MYO3B: variants seen among roughly 807,000 people sequenced by gnomAD.
MYO3B encodes the protein myosin IIIB.
Under a neutral mutation model 174.6 loss-of-function variants are expected in MYO3B, and 156 were observed. The observed-to-expected ratio is 0.89, with a 90% confidence interval of 0.78 to 1.02. The LOEUF (loss-of-function observed/expected upper bound fraction) is 1.02, where lower values mean the gene tolerates loss of function less well. MYO3B is among the 50% of genes least tolerant of loss of function. MYO3B has a pLI of 0.00. For synonymous variants in MYO3B, 563 were observed against 569.1 expected, an observed-to-expected ratio of 0.99 and a Z score of 0.15; for missense variants, 1,632 against 1,639.4, an observed-to-expected ratio of 1.00 and a Z score of 0.08.
At chr2:170,492,460 A>G (rs1311705311) in intron 25 of MYO3B, among the ~76,000 whole-genome samples, 2 of 152,248 alleles carry the variant, frequency 1.3e-5, no homozygotes, top group Non-Finnish European at 2.9e-5. Context: ...AGTTAAGTTC[A>G]GTTCCGTTTT....
chr2:170,331,700 G>A lies in MYO3B; in HGVS notation c.750-3685G>A, dbSNP rs185000426. Among the ~76,000 whole-genome samples the A allele has an allele frequency of 3.9e-5, 6 of 152,208 alleles. No homozygotes were observed. The East Asian group carries it at 9.7e-4, about 25-fold the overall frequency. ...AAGGCTGAGGGGAAATTTATTTTCT[G>A]GGTCATTCAGGTTATTAGCAGAATT... On this transcript the variant is annotated intron_variant, in intron 7 of 34. Transcript: ENST00000408978.
At chr2:170,612,632 C>T (rs994168167) in intron 32 of MYO3B, among the ~76,000 whole-genome samples, 2 of 152,264 alleles carry the variant, frequency 1.3e-5, no homozygotes, top group Admixed American at 6.5e-5. Context: ...GAGTCTGACA[C>T]GCTGACCCAC....
At chr2:170,447,860 A>T (rs1683324197) in intron 23 of MYO3B, among the ~76,000 whole-genome samples, 1 of 152,184 alleles carries the variant, frequency 6.6e-6, no homozygotes. Context: ...GAGGCCAGAG[A>T]TGAAATAATA....
intron 1 of MYO3B, among the ~76,000 whole-genome samples, chr2:170,195,592 C>T (rs1360920555): frequency 6.6e-5 from 10 of 152,096 alleles, no homozygotes; most frequent in East Asian, 1.9e-4. Context: ...ACCTAGGTAC[C>T]GAGGGCACTG....
At chr2:170,556,506 G>A (rs113373374) in intron 32 of MYO3B, among the ~76,000 whole-genome samples, 16 of 151,454 alleles carry the variant, frequency 1.1e-4, no homozygotes, top group East Asian at 3.9e-4. Flanking sequence ...CTTTGGGGTC[G>A]TCAGTATCTT....
intron 7 of MYO3B, among the ~76,000 whole-genome samples, chr2:170,308,250 A>C (rs2105461980): frequency 6.6e-6 from 1 of 152,318 alleles, no homozygotes; most frequent in Middle Eastern, 3.4e-3. Context: ...AACATTGCAA[A>C]AGGATGTTGT....
chr2:170,398,228 GA>G (rs34432719), intron 16 of MYO3B, among the ~76,000 whole-genome samples: 2,433 of 87,968 alleles, frequency 0.028, 59 homozygotes, highest in African/African-American at 0.093. Context: ...TGTCTCAAAA[GA>G]AAAAAAAAAA....
At chr2:170,361,996 T>C (rs2094165006) in intron 8 of MYO3B, among the ~76,000 whole-genome samples, 1 of 152,172 alleles carries the variant, frequency 6.6e-6, no homozygotes, top group South Asian at 2.1e-4. Context: ...AGGTTCCTGG[T>C]TGACAGGTTT....
At chr2:170,622,704 T>C (rs1696035846) in intron 32 of MYO3B, among the ~76,000 whole-genome samples, 1 of 151,888 alleles carries the variant, frequency 6.6e-6, no homozygotes, top group Non-Finnish European at 1.5e-5. Flanking sequence ...GTATATCTCC[T>C]AATGCTATCC....
intron 32 of MYO3B, among the ~76,000 whole-genome samples, chr2:170,597,451 G>T (rs1181333393): frequency 1.3e-5 from 2 of 151,998 alleles, no homozygotes; most frequent in Non-Finnish European, 2.9e-5. Context: ...AAGGAGCTGT[G>T]GAGGTTGGAG....
At chr2:170,490,476 G>A (rs1686398024) in intron 25 of MYO3B, among the ~76,000 whole-genome samples, 1 of 151,816 alleles carries the variant, frequency 6.6e-6, no homozygotes, top group African/African-American at 2.4e-5. Context: ...TCAAATAATT[G>A]TGTCATCTTC....
rs1318033791 is a variant in MYO3B at position 170,246,518 on chromosome 2, A to G, written c.749+10382A>G. Among the ~76,000 whole-genome samples the G allele has an allele frequency of 2.7e-5, 4 of 146,608 alleles. No homozygotes were observed. In the South Asian group the frequency reaches 8.7e-4, roughly 32 times the overall value. Reference sequence around the variant, plus strand: ...CTGGTATCCTTATAAGAAGAGGAAAATTTGGACATGGACACACACACACAC... The same window carrying G: ...CTGGTATCCTTATAAGAAGAGGAAAGTTTGGACATGGACACACACACACAC... On this transcript the variant is annotated intron_variant, in intron 7 of 34. Coordinates refer to ENST00000408978, the MANE Select transcript of MYO3B (RefSeq NM_138995.5).
At chr2:170,469,935 T>C (rs1407384688) in intron 25 of MYO3B, among the ~76,000 whole-genome samples, 3 of 151,218 alleles carry the variant, frequency 2.0e-5, no homozygotes, top group Non-Finnish European at 4.4e-5. Flanking sequence ...AAACCTCGTC[T>C]CTACTAAAAA....
rs367755209 is a variant in MYO3B at position 170,472,673 on chromosome 2, C to CTATCTATTTATTTATT, written c.3014+5965_3014+5966insCTATTTATTTATTTAT. ...GGATATTTTTCAGCTCACTTTTTAT[C>CTATCTATTTATTTATT]TATTTATTTATTTATTTATTTATTT... On this transcript the variant is annotated intron_variant, in intron 25 of 34. Coordinates refer to ENST00000408978, the MANE Select transcript of MYO3B (RefSeq NM_138995.5). 1.2e-3 allele frequency among the ~76,000 whole-genome samples: 171 copies of CTATCTATTTATTTATT among 142,362 alleles called. 1 individual carries two copies. Among genetic ancestry groups the CTATCTATTTATTTATT allele is most frequent in the South Asian group, 3.1e-3 (13 of 4,140 alleles). The allele number at this position is 142,362 out of a possible 152,430, so 93.4% of individuals were successfully genotyped here. A position where few individuals can be genotyped will look rare whatever the true frequency, so the allele number is the denominator to read the frequency against.
At chr2:170,514,049 A>G (rs1469022363) in intron 28 of MYO3B, among the ~76,000 whole-genome samples, 1 of 152,210 alleles carries the variant, frequency 6.6e-6, no homozygotes, top group Non-Finnish European at 1.5e-5. Flanking sequence ...CCAGGAAAAG[A>G]GGAGATGGGG....
At chr2:170,222,713 C>T (rs2092914329) in intron 6 of MYO3B, among the ~76,000 whole-genome samples, 1 of 152,156 alleles carries the variant, frequency 6.6e-6, no homozygotes, top group Admixed American at 6.5e-5. Flanking sequence ...ACCCTATTTC[C>T]AAATAAGTTC....
chr2:170,468,452 T>C (rs1175053550), intron 25 of MYO3B, among the ~76,000 whole-genome samples: 1 of 152,148 alleles, frequency 6.6e-6, no homozygotes, highest in African/African-American at 2.4e-5. Context: ...GATCATGTTG[T>C]TGGGTTCCAG....
intron 32 of MYO3B, among the ~76,000 whole-genome samples, chr2:170,631,757 C>G (rs1260217215): frequency 1.3e-5 from 2 of 151,876 alleles, no homozygotes; most frequent in African/African-American, 4.8e-5. Flanking sequence ...ATTCAACATT[C>G]AATGTGCAGA....
intron 29 of MYO3B, among the ~76,000 whole-genome samples, chr2:170,516,110 T>C (rs1231719960): frequency 6.6e-6 from 1 of 152,190 alleles, no homozygotes; most frequent in Non-Finnish European, 1.5e-5. Context: ...TGTGTTATGC[T>C]TGGCCACACA....
Sources: gnomAD v4.1 joint callset for allele counts (sites outside exome capture counted in the v4.1 genomes callset) on GRCh38, gnomAD v4.1.1 for gene constraint, MANE v1.5 for transcripts, NCBI Gene and HGNC (gene_info 2026-07-23, HGNC 2026-07-21) for gene names.